The following GPAT3 variants were observed in gnomAD, a reference collection of about 807,000 sequenced individuals.
GPAT3 encodes 1-AGP acyltransferase 9.
In GPAT3, 53 loss-of-function variants were observed where a neutral mutation model predicts 58.8. The observed-to-expected ratio is 0.90, with a 90% confidence interval of 0.72 to 1.13. GPAT3 has a LOEUF of 1.13. Among genes scored for constraint, GPAT3 ranks in the 50% most tolerant of loss-of-function variants. The pLI is 0.00. For missense variants in GPAT3, 511 were observed against 527.6 expected (o/e 0.97, Z 0.31); for synonymous variants, 197 against 187.4 (o/e 1.05, Z -0.42).
intron 3 of GPAT3, among the ~76,000 whole-genome samples, chr4:83,583,713 C>T (rs1726257508): frequency 7.7e-6 from 1 of 130,660 alleles, no homozygotes; most frequent in Admixed American, 8.2e-5. Flanking sequence ...CTGGGCCGGG[C>T]ATAGTGACTC....
In GPAT3 at chr4:83,598,673, C is replaced by T; in HGVS notation, c.1155C>T (p.Asn385=). 1 of 1,515,890 alleles carries T rather than the reference C, an allele frequency of 6.6e-7. No homozygotes were observed. Among genetic ancestry groups the T allele is most frequent in the Non-Finnish European group, 8.9e-7 (1 of 1,128,278 alleles). 93.9% of individuals were successfully genotyped at this position (1,515,890 alleles called of 1,614,324 possible). The change falls in exon 11 of 12, where the codon AAC becomes AAT. Residue 385 remains asparagine, a synonymous_variant. Transcript: ENST00000264409. ...EEGEDAVQFA[N]RVKSAIAIQG... The stretch of plus-strand genomic sequence containing the variant: ...GAGAAGATGCAGTCCAGTTTGCTAA[C>T]AGGGTTAAGTCTGCTATTGCTATAC...
intron 11 of GPAT3, among the ~76,000 whole-genome samples, chr4:83,601,413 A>G (rs1343572209): frequency 6.6e-6 from 1 of 152,248 alleles, no homozygotes; most frequent in African/African-American, 2.4e-5. Context: ...CCATTATGCA[A>G]ATTAACAAAC....
chr4:83,536,870 G>C, intron 1 of GPAT3, 107 bp downstream of exon 1: 2 of 1,015,764 alleles, frequency 2.0e-6, no homozygotes, highest in Non-Finnish European at 1.4e-6. Flanking sequence ...GTGTGCGCGC[G>C]TGTGCATGCG....
rs192895214 is a variant in GPAT3, at chr4:83,562,027, A to G, written c.208+17425A>G. Among the ~76,000 whole-genome samples, 34 of 151,216 alleles carry G rather than the reference A, an allele frequency of 2.2e-4. No homozygotes were observed. In the East Asian group the frequency reaches 6.0e-3, roughly 27 times the overall value. ...TGGAGTCATGAGCTTAAGGAAAATA[A>G]GAAACAAGGAAACAGTTCTACTGAT... On this transcript the variant is annotated intron_variant, in intron 2 of 11. Transcript: ENST00000264409.
intron 11 of GPAT3, among the ~76,000 whole-genome samples, chr4:83,600,852 A>G (rs1578202761): frequency 1.3e-5 from 2 of 152,294 alleles, no homozygotes; most frequent in Admixed American, 1.3e-4. Flanking sequence ...GCAGGCTGTC[A>G]CAAAACAGTC....
chr4:83,576,021 T>C (rs1725799546), intron 2 of GPAT3, among the ~76,000 whole-genome samples: 1 of 152,256 alleles, frequency 6.6e-6, no homozygotes, highest in Non-Finnish European at 1.5e-5. Context: ...TTCCCTTACA[T>C]ATGTATATAT....
chr4:83,574,697 T>TTTAAGAAC (rs902290783), intron 2 of GPAT3, among the ~76,000 whole-genome samples: 7 of 133,800 alleles, frequency 5.2e-5, no homozygotes, highest in Admixed American at 4.8e-4. Context: ...GTTTTACCAA[T>TTTAAGAAC]TTAAGAACTG....
chr4:83,537,670 G>A (rs1405049426), intron 1 of GPAT3, among the ~76,000 whole-genome samples: 1 of 151,330 alleles, frequency 6.6e-6, no homozygotes, highest in African/African-American at 2.4e-5. Context: ...TGGCTAGGCT[G>A]GTCTTGAACT....
Position 83,536,711 on chromosome 4 carries a change from T to A in GPAT3, c.89T>A (p.Val30Glu), listed in dbSNP as rs753825523. Reference protein sequence around the residue: ...GFILLPSVFGVSLGISEIYMK... With the variant: ...GFILLPSVFGESLGISEIYMK... ...ATCCTTTTACCTTCGGTCTTCGGAG[T>A]GTCTCTGGGCATCTCCGAGATCTAC... Residue 30 changes from valine (V) to glutamate (E), a missense_variant, in exon 1 of 12, where the codon GTG becomes GAG. Physicochemically the swap from Val to Glu is moderately radical, Grantham distance 121. Coordinates refer to ENST00000264409, the MANE Select transcript of GPAT3 (RefSeq NM_032717.5). 1 of 1,535,564 alleles carries A rather than the reference T, an allele frequency of 6.5e-7. No homozygotes were observed. Among genetic ancestry groups the A allele is most frequent in the African/African-American group, 1.7e-5 (1 of 57,936 alleles).
intron 2 of GPAT3, among the ~76,000 whole-genome samples, chr4:83,557,593 C>T (rs1277502089): frequency 2.0e-5 from 3 of 152,226 alleles, no homozygotes; most frequent in African/African-American, 7.2e-5. Flanking sequence ...ATGCAGCCCA[C>T]AGGCCATGGG....
At chr4:83,585,607 C>T (rs893792676) in intron 3 of GPAT3, among the ~76,000 whole-genome samples, 4 of 147,974 alleles carry the variant, frequency 2.7e-5, no homozygotes, top group Admixed American at 6.9e-5. Flanking sequence ...CTGCCTTTTA[C>T]GCTGTTTCTT....
chr4:83,536,033 T>TC, upstream of GPAT3: 1 of 984,870 alleles, frequency 1.0e-6, no homozygotes. Context: ...GCCAGGGAGC[T>TC]CCCCCGTTGG....
chr4:83,561,278 G>T (rs978073221), intron 2 of GPAT3, among the ~76,000 whole-genome samples: 3 of 152,112 alleles, frequency 2.0e-5, no homozygotes, highest in African/African-American at 7.2e-5. Flanking sequence ...TTAAAAAGCA[G>T]ATTAATGCCA....
intron 1 of GPAT3, among the ~76,000 whole-genome samples, chr4:83,538,178 A>G (rs1322486377): frequency 6.6e-6 from 1 of 152,108 alleles, no homozygotes; most frequent in Non-Finnish European, 1.5e-5. Flanking sequence ...GCTCCCAGGT[A>G]TACATCTCTA....
chr4:83,536,306 G>T lies in GPAT3; in HGVS notation c.-317G>T, dbSNP rs1231643222. 9.3e-7 allele frequency: 1 copy of T among 1,080,470 alleles called. No homozygotes were observed. The highest frequency in any genetic ancestry group is 1.1e-6 in the Non-Finnish European group (1 of 891,660). 66.9% of individuals were successfully genotyped at this position (1,080,470 alleles called of 1,614,324 possible). On this transcript the variant is annotated 5_prime_UTR_variant, in exon 1 of 12. Coordinates refer to ENST00000264409, the MANE Select transcript of GPAT3 (RefSeq NM_032717.5). The stretch of plus-strand genomic sequence containing the variant: ...CGCTCGCGCGCTCTGCCCGCGCCGC[G>T]GTGTGCCTCCGCTTACCCGCAGCTC...
At chr4:83,578,943 T>TC (rs1278163692) in intron 2 of GPAT3, among the ~76,000 whole-genome samples, 25 of 9,334 alleles carry the variant, frequency 2.7e-3, no homozygotes, top group South Asian at 0.02. Context: ...CTTTCTTTTC[T>TC]TTTCTTTTCT....
At chr4:83,560,080 T>TA (rs1725078547) in intron 2 of GPAT3, among the ~76,000 whole-genome samples, 5 of 152,242 alleles carry the variant, frequency 3.3e-5, no homozygotes, top group Admixed American at 2.6e-4. Flanking sequence ...CCCCCTTCAC[T>TA]GACTTTTCTA....
intron 2 of GPAT3, among the ~76,000 whole-genome samples, chr4:83,557,750 A>G (rs368012480): frequency 2.0e-4 from 30 of 152,198 alleles, no homozygotes; most frequent in African/African-American, 6.8e-4. Flanking sequence ...GCTGTGTACC[A>G]GAGAGGGTCA....
intron 6 of GPAT3, 60 bp downstream of exon 6, chr4:83,590,352 T>A (rs1726551143): frequency 6.5e-7 from 1 of 1,536,762 alleles, no homozygotes; most frequent in Non-Finnish European, 8.9e-7. Context: ...ATCAAACTTT[T>A]TATTTTGGCA....
Sources: gnomAD v4.1 joint callset for allele counts (sites outside exome capture counted in the v4.1 genomes callset) on GRCh38, gnomAD v4.1.1 for gene constraint, MANE v1.5 for transcripts, NCBI Gene and HGNC (gene_info 2026-07-23, HGNC 2026-07-21) for gene names.